Variants in ARHGEF3 observed in about 807,000 individuals in gnomAD.
ARHGEF3 encodes the protein 59.8 kDA protein.
Under a neutral mutation model 63.2 loss-of-function variants are expected in ARHGEF3, and 28 were observed. The observed-to-expected ratio is 0.44, with a 90% CI of 0.33 to 0.61. The LOEUF is 0.61. Ranked by LOEUF, ARHGEF3 falls within the 20% of genes least tolerant of loss-of-function variation. The pLI, the probability that ARHGEF3 is intolerant of heterozygous loss-of-function variation, is 0.03. For missense variants in ARHGEF3, 533 were observed against 659.3 expected (o/e 0.81, Z 2.10); for synonymous variants, 266 against 254.2 (o/e 1.05, Z -0.44).
At chr3:56,908,628 C>A (rs80125381) in intron 3 of ARHGEF3, among the ~76,000 whole-genome samples, 1 of 152,054 alleles carries the variant, frequency 6.6e-6, no homozygotes, top group African/African-American at 2.4e-5. Flanking sequence ...CAGAATGGAC[C>A]CTGTATTCTG....
At chr3:56,973,492 C>T (rs1217481742) in intron 2 of ARHGEF3, among the ~76,000 whole-genome samples, 1 of 152,126 alleles carries the variant, frequency 6.6e-6, no homozygotes, top group African/African-American at 2.4e-5. Flanking sequence ...AGACATATAA[C>T]ATTGAAATAG....
At chr3:56,869,407 C>T (rs2040361739) in intron 4 of ARHGEF3, among the ~76,000 whole-genome samples, 1 of 152,178 alleles carries the variant, frequency 6.6e-6, no homozygotes, top group African/African-American at 2.4e-5. Flanking sequence ...ATCAGCACAT[C>T]GCAGGGTAAG....
At chr3:56,996,032 A>G (rs1041554293) in intron 2 of ARHGEF3, among the ~76,000 whole-genome samples, 1 of 152,158 alleles carries the variant, frequency 6.6e-6, no homozygotes, top group African/African-American at 2.4e-5. Context: ...TGAAAGAAGG[A>G]AAAAAACACA....
chr3:57,002,883 C>T lies in ARHGEF3; in HGVS notation c.62+32205G>A, dbSNP rs184111427. ...CCACCTCCCGGGTTCAAGCGATTCT[C>T]CTGCCTCAGCTTCCTGAGTAGCTGG... On this transcript the variant is annotated intron_variant, in intron 2 of 12. Coordinates refer to the ARHGEF3 transcript ENST00000338458. Among the ~76,000 whole-genome samples, 324 of 150,926 alleles carry T rather than the reference C, an allele frequency of 2.1e-3. 7 individuals carry two copies. The highest frequency in any genetic ancestry group is 0.019 in the Admixed American group (283 of 15,156).
chr3:57,075,378 C>T (rs944031844), intron 1 of ARHGEF3: 10 of 167,094 alleles, frequency 6.0e-5, no homozygotes, highest in African/African-American at 2.4e-4. Context: ...GGCAATGCCT[C>T]GCACAGAGTA....
chr3:57,042,217 C>T (rs1704215337), intron 1 of ARHGEF3, among the ~76,000 whole-genome samples: 1 of 152,106 alleles, frequency 6.6e-6, no homozygotes, highest in Non-Finnish European at 1.5e-5. Context: ...CTATGAAAAA[C>T]AACCAAACTG....
At chr3:56,743,257 ATTC>A (rs2034160956) in intron 7 of ARHGEF3, among the ~76,000 whole-genome samples, 1 of 152,182 alleles carries the variant, frequency 6.6e-6, no homozygotes, top group South Asian at 2.1e-4. Flanking sequence ...AGGGTCCTTT[ATTC>A]TTCTTTTCTA....
intron 7 of ARHGEF3, among the ~76,000 whole-genome samples, chr3:56,743,252 C>T (rs534616501): frequency 6.6e-6 from 1 of 152,328 alleles, no homozygotes; most frequent in African/African-American, 2.4e-5. Flanking sequence ...AGAAGAGGGT[C>T]CTTTATTCTT....
chr3:57,002,462 CTATATATATATATATGTTA>C lies in ARHGEF3; in HGVS notation c.62+32607_62+32625del, dbSNP rs1490392246. On this transcript the variant is annotated intron_variant, in intron 2 of 12. Coordinates refer to the ARHGEF3 transcript ENST00000338458. ...TATATGCCAGGCACTGTTCTAAGCA[CTATATATATATATATGTTA>C]TATATATATATATATGTTATATATA... 1.0e-4 allele frequency among the ~76,000 whole-genome samples: 4 copies of C among 38,686 alleles called. 1 individual carries two copies. The highest frequency in any genetic ancestry group is 2.2e-4 in the African/African-American group (2 of 8,914). The allele number at this position is 38,686 out of a possible 152,430, so 25.4% of individuals were successfully genotyped here.
intron 1 of ARHGEF3, among the ~76,000 whole-genome samples, chr3:56,791,433 AC>A (rs1183594246): frequency 6.6e-6 from 1 of 152,024 alleles, no homozygotes; most frequent in Non-Finnish European, 1.5e-5. Context: ...ACAGAACAAG[AC>A]CCTATTTCTA....
At chr3:56,926,732 G>A (rs1468058254) in intron 3 of ARHGEF3, among the ~76,000 whole-genome samples, 1 of 152,216 alleles carries the variant, frequency 6.6e-6, no homozygotes, top group Non-Finnish European at 1.5e-5. Context: ...CAATCACCCA[G>A]ATTCCCCCAG....
intron 3 of ARHGEF3, among the ~76,000 whole-genome samples, chr3:56,924,806 C>T (rs2108376784): frequency 6.6e-6 from 1 of 152,302 alleles, no homozygotes; most frequent in African/African-American, 2.4e-5. Context: ...TGCTGACCTC[C>T]TATCTCATCT....
intron 2 of ARHGEF3, among the ~76,000 whole-genome samples, chr3:57,001,915 G>T (rs1579060880): frequency 2.8e-4 from 15 of 53,688 alleles, no homozygotes; most frequent in South Asian, 8.8e-4. Flanking sequence ...AAGTGAGATA[G>T]TTTTTTTTTT....
At chr3:57,038,929 C>T (rs776644168) in intron 1 of ARHGEF3, among the ~76,000 whole-genome samples, 5 of 152,206 alleles carry the variant, frequency 3.3e-5, no homozygotes, top group Non-Finnish European at 7.3e-5. Context: ...TGCTTATAGT[C>T]GCAGCACTTA....
intron 2 of ARHGEF3, among the ~76,000 whole-genome samples, chr3:57,032,442 C>CTT (rs1189973483): frequency 6.6e-5 from 10 of 152,230 alleles, no homozygotes; most frequent in African/African-American, 2.4e-4. Context: ...ACTCAGCACT[C>CTT]AACAAATGTG....
At chr3:56,753,851 A>C (rs961001112) in intron 3 of ARHGEF3, among the ~76,000 whole-genome samples, 3 of 152,206 alleles carry the variant, frequency 2.0e-5, no homozygotes, top group Non-Finnish European at 2.9e-5. Flanking sequence ...ACAAGAGGGA[A>C]CTATTTTAGG....
chr3:57,027,109 C>T (rs1163682703), intron 2 of ARHGEF3, among the ~76,000 whole-genome samples: 2 of 152,184 alleles, frequency 1.3e-5, no homozygotes, highest in Non-Finnish European at 2.9e-5. Context: ...ACTAATGCCA[C>T]GTGCTAGACA....
chr3:56,981,226 G>C (rs1023676323), intron 2 of ARHGEF3, among the ~76,000 whole-genome samples: 1 of 152,146 alleles, frequency 6.6e-6, no homozygotes, highest in Non-Finnish European at 1.5e-5. Flanking sequence ...CACACAGCTG[G>C]TTTTCCCTAC....
At chr3:56,974,846 A>G (rs1237154335) in intron 2 of ARHGEF3, among the ~76,000 whole-genome samples, 1 of 151,990 alleles carries the variant, frequency 6.6e-6, no homozygotes, top group African/African-American at 2.4e-5. Context: ...GCAGATTGTT[A>G]TTTTTCTAAA....
Sources: gnomAD v4.1 joint callset for allele counts (sites outside exome capture counted in the v4.1 genomes callset) on GRCh38, gnomAD v4.1.1 for gene constraint, MANE v1.5 for transcripts, NCBI Gene and HGNC (gene_info 2026-07-23, HGNC 2026-07-21) for gene names.